FBXO16: variants seen among roughly 807,000 people sequenced by gnomAD.
FBXO16 encodes F-box only protein 16.
A neutral mutation model predicts 41.0 loss-of-function variants in FBXO16; 31 were observed. The observed-to-expected ratio is 0.76, with a 90% CI of 0.57 to 1.02. FBXO16 has a LOEUF of 1.02. Among genes scored for constraint, FBXO16 ranks in the 50% least tolerant of loss-of-function variants. The pLI, the probability that FBXO16 is intolerant of heterozygous loss-of-function variation, is 0.00. For synonymous variants in FBXO16, 133 were observed against 117.8 expected, an observed-to-expected ratio of 1.13 and a Z score of -0.84; for missense variants, 361 against 346.2, an observed-to-expected ratio of 1.04 and a Z score of -0.34.
At chr8:28,428,759 G>C in intron 8 of FBXO16, 23 bp from the exon 9 acceptor site, 1 of 1,494,746 alleles carries the variant, frequency 6.7e-7, no homozygotes, top group Non-Finnish European at 8.9e-7. Flanking sequence ...AAGGAATCAT[G>C]AAAGCGAGGG....
At chr8:28,473,163 A>G (rs1803364528) in intron 3 of FBXO16, among the ~76,000 whole-genome samples, 1 of 152,044 alleles carries the variant, frequency 6.6e-6, no homozygotes, top group Non-Finnish European at 1.5e-5. Context: ...GTTCTCCAAT[A>G]TTTGCTTAAC....
chr8:28,438,266 A>C (rs752692683), intron 7 of FBXO16, among the ~76,000 whole-genome samples: 1 of 152,074 alleles, frequency 6.6e-6, no homozygotes, highest in Admixed American at 6.6e-5. Flanking sequence ...CAGTGACCCA[A>C]GATTGCATCA....
intron 6 of FBXO16, among the ~76,000 whole-genome samples, chr8:28,447,979 G>A (rs764333393): frequency 6.6e-6 from 1 of 151,900 alleles, no homozygotes; most frequent in South Asian, 2.1e-4. Context: ...AAATAAAATG[G>A]AAAGATTAAA....
At chr8:28,429,085 C>T (rs1311008879) in intron 8 of FBXO16, among the ~76,000 whole-genome samples, 1 of 152,176 alleles carries the variant, frequency 6.6e-6, no homozygotes, top group Non-Finnish European at 1.5e-5. Flanking sequence ...AGTGTCACAG[C>T]TGGGGCTAGA....
At chr8:28,477,867 CCGGGCA>C (rs1563369834) in intron 2 of FBXO16, among the ~76,000 whole-genome samples, 9 of 152,054 alleles carry the variant, frequency 5.9e-5, no homozygotes, top group African/African-American at 2.2e-4. Flanking sequence ...AACAAATTAG[CCGGGCA>C]TGGTGGTGTG....
intron 7 of FBXO16, among the ~76,000 whole-genome samples, chr8:28,433,088 AC>A (rs1451199054): frequency 1.4e-5 from 2 of 147,206 alleles, no homozygotes; most frequent in Non-Finnish European, 2.9e-5. Context: ...CAAAAAACAA[AC>A]AAACAAACAA....
intron 7 of FBXO16, among the ~76,000 whole-genome samples, chr8:28,438,906 A>C (rs973768453): frequency 1.1e-4 from 17 of 152,008 alleles, no homozygotes; most frequent in Admixed American, 2.6e-4. Context: ...TTGAGACCAG[A>C]CTAGCCAATA....
At chr8:28,484,003 C>A (rs771183475) in intron 1 of FBXO16, among the ~76,000 whole-genome samples, 1 of 152,148 alleles carries the variant, frequency 6.6e-6, no homozygotes, top group Non-Finnish European at 1.5e-5. Context: ...ACTCATTTTA[C>A]ACACGAGGAA....
At chr8:28,429,642 T>C (rs891491544) in intron 7 of FBXO16, among the ~76,000 whole-genome samples, 2 of 150,508 alleles carry the variant, frequency 1.3e-5, no homozygotes, top group African/African-American at 2.5e-5. Context: ...CAGATCAGAG[T>C]CCTTGTCACA....
chr8:28,432,160 TGTG>T (rs1802616360), intron 7 of FBXO16, among the ~76,000 whole-genome samples: 1 of 151,810 alleles, frequency 6.6e-6, no homozygotes, highest in South Asian at 2.1e-4. Flanking sequence ...TGTGTGTGTG[TGTG>T]TGTGTGACTG....
At chr8:28,451,124 T>C (rs1374150757) in intron 6 of FBXO16, among the ~76,000 whole-genome samples, 1 of 152,040 alleles carries the variant, frequency 6.6e-6, no homozygotes, top group African/African-American at 2.4e-5. Context: ...TTCTTTCAAG[T>C]ACAATATTTT....
At chr8:28,446,589 T>C (rs532426439) in intron 7 of FBXO16, among the ~76,000 whole-genome samples, 164 of 151,310 alleles carry the variant, frequency 1.1e-3, no homozygotes, top group Non-Finnish European at 2.0e-3. Flanking sequence ...ATACTCCCCT[T>C]GGCCAGGCGC....
At chr8:28,444,896 G>A (rs1289783081) in intron 7 of FBXO16, among the ~76,000 whole-genome samples, 9 of 146,342 alleles carry the variant, frequency 6.1e-5, no homozygotes, top group East Asian at 2.0e-4. Flanking sequence ...CTCCCAAAGT[G>A]CTGGGATTAC....
intron 4 of FBXO16, among the ~76,000 whole-genome samples, chr8:28,458,492 A>G (rs938987194): frequency 6.6e-6 from 1 of 151,374 alleles, no homozygotes; most frequent in Admixed American, 6.6e-5. Context: ...GGGAAAGGGA[A>G]GGGGGAGAAA....
intron 3 of FBXO16, among the ~76,000 whole-genome samples, chr8:28,466,132 G>C (rs976025469): frequency 6.6e-6 from 1 of 152,052 alleles, no homozygotes; most frequent in Non-Finnish European, 1.5e-5. Context: ...CCAGCTATTC[G>C]GGAGTGTGAG....
chr8:28,447,465 T>C (rs939755224), intron 6 of FBXO16, 192 bp from the exon 7 acceptor site: 2 of 531,120 alleles, frequency 3.8e-6, no homozygotes, highest in African/African-American at 3.8e-5. Context: ...CACAATGCAG[T>C]ACTATGAGCT....
At chr8:28,475,960 T>C (rs1031708055) in intron 2 of FBXO16, among the ~76,000 whole-genome samples, 1 of 152,198 alleles carries the variant, frequency 6.6e-6, no homozygotes, top group Non-Finnish European at 1.5e-5. Context: ...GGGTCCAAAC[T>C]GTGTGTTCAG....
chr8:28,433,859 C>T (rs953960675), intron 7 of FBXO16, among the ~76,000 whole-genome samples: 25 of 151,366 alleles, frequency 1.7e-4, no homozygotes, highest in African/African-American at 4.4e-4. Context: ...CCAAGAAAGA[C>T]GAGGGTCCCA....
At chr8:28,484,274 T>G (rs973009629) in intron 1 of FBXO16, among the ~76,000 whole-genome samples, 4 of 152,168 alleles carry the variant, frequency 2.6e-5, no homozygotes, top group African/African-American at 9.7e-5. Context: ...TTTCCAGATA[T>G]CCAAGTAACA....
Sources: allele counts gnomAD v4.1 joint callset (sites outside exome capture counted in the v4.1 genomes callset), GRCh38; gene constraint gnomAD v4.1.1; transcripts MANE v1.5; gene names NCBI Gene and HGNC (gene_info 2026-07-23, HGNC 2026-07-21).